Variants in PLCG2 observed in about 807,000 individuals in gnomAD.
PLCG2 encodes the protein phospholipase C gamma 2.
In PLCG2, 69 loss-of-function variants were observed where a neutral mutation model predicts 175.6. That is an observed-to-expected ratio of 0.39 (90% CI 0.32 to 0.48). PLCG2 has a LOEUF of 0.48. Among genes scored for constraint, PLCG2 ranks in the 20% least tolerant of loss-of-function variants. The pLI is 0.91. For synonymous variants in PLCG2, 827 were observed against 624.0 expected (o/e 1.33, Z -4.85); for missense variants, 1,798 against 1,650.9 (o/e 1.09, Z -1.54).
At chr16:81,841,469 GACCTCA>G (rs1905826726) in intron 2 of PLCG2, among the ~76,000 whole-genome samples, 2 of 152,004 alleles carry the variant, frequency 1.3e-5, no homozygotes, top group Admixed American at 6.6e-5. Flanking sequence ...TCAAACTCCT[GACCTCA>G]AGTGATCTGC....
rs551419582 is a variant in PLCG2, at chr16:81,883,170, G to A, written c.693-99G>A. The A allele has an allele frequency of 6.8e-5, 66 of 968,644 alleles. No individual in the cohort carries two copies. The South Asian group carries it at 7.9e-4, about 12-fold the overall frequency. 60.0% of individuals were successfully genotyped at this position (968,644 alleles called of 1,614,324 possible). On this transcript the variant is annotated intron_variant, in intron 8 of 32. Coordinates refer to ENST00000564138, the MANE Select transcript of PLCG2 (RefSeq NM_002661.5). ...CTAACACAGTGCCAGACTAAGTGGG[G>A]CGTTCTGGGTGGCAGGCTGCCCCAT...
chr16:81,850,809 G>A (rs1309965629), intron 2 of PLCG2, among the ~76,000 whole-genome samples: 1 of 152,184 alleles, frequency 6.6e-6, no homozygotes. Context: ...ATGATGTTTA[G>A]TATTATAATG....
chr16:81,769,146 G>C (rs1597308205), intron 2 of PLCG2, among the ~76,000 whole-genome samples: 1 of 152,316 alleles, frequency 6.6e-6, no homozygotes, highest in Middle Eastern at 3.4e-3. Context: ...TGCCATGTGA[G>C]TTTCTCTGCT....
chr16:81,913,845 C>T (rs1243314456), intron 19 of PLCG2, among the ~76,000 whole-genome samples: 2 of 152,218 alleles, frequency 1.3e-5, no homozygotes, highest in Non-Finnish European at 2.9e-5. Flanking sequence ...TTCCCTTCCT[C>T]CTTGCCTGCA....
chr16:81,894,783 G>T (rs528736361), intron 12 of PLCG2, among the ~76,000 whole-genome samples: 23 of 152,138 alleles, frequency 1.5e-4, no homozygotes, highest in African/African-American at 5.5e-4. Context: ...CGAGGCACAG[G>T]AATCACTTGA....
At chr16:81,864,334 A>G (rs554105217) in intron 5 of PLCG2, among the ~76,000 whole-genome samples, 1 of 152,336 alleles carries the variant, frequency 6.6e-6, no homozygotes, top group South Asian at 2.1e-4. Context: ...CATTTCAACA[A>G]AACAAAACAA....
At chr16:81,852,952 A>G (rs1015173107) in intron 2 of PLCG2, among the ~76,000 whole-genome samples, 3 of 152,184 alleles carry the variant, frequency 2.0e-5, no homozygotes, top group Non-Finnish European at 1.5e-5. Context: ...TTCTTACAGC[A>G]TGGTGGTCTC....
intron 5 of PLCG2, among the ~76,000 whole-genome samples, chr16:81,859,573 C>T (rs574610446): frequency 3.2e-4 from 49 of 151,282 alleles, no homozygotes; most frequent in South Asian, 8.4e-4. Flanking sequence ...CTCGCTCTTT[C>T]GCCCAGGCTG....
Position 81,959,900 on chromosome 16 carries a change from T to C in PLCG2, c.*1902T>C, listed in dbSNP as rs1911718749. ...TTCAGCTCCTCACTTCATTCTACTTTAAAGCCACAGTGCTAAGGCCTGCAT... is the reference window on the plus strand; with the variant it reads ...TTCAGCTCCTCACTTCATTCTACTTCAAAGCCACAGTGCTAAGGCCTGCAT... On this transcript the variant is annotated 3_prime_UTR_variant, in exon 33 of 33. Transcript: ENST00000564138. 1 of 192,606 alleles carries C rather than the reference T, an allele frequency of 5.2e-6. No homozygotes were observed. Among genetic ancestry groups the C allele is most frequent in the Admixed American group, 6.1e-5 (1 of 16,360 alleles). 11.9% of individuals were successfully genotyped at this position (192,606 alleles called of 1,614,324 possible). A position where few individuals can be genotyped will look rare whatever the true frequency, so the allele number is the denominator to read the frequency against.
Position 81,921,216 on chromosome 16 carries a change from C to T in PLCG2, c.2254C>T (p.Leu752Phe). The change falls in exon 21 of 33, where the codon CTC becomes TTC. Residue 752 changes from leucine (L) to phenylalanine (F), a missense_variant. Transcript: ENST00000564138. ...TTTCCAGGAAAGAGATATAAACTCC[C>T]TCTACGACGTCAGCAGAATGTATGT... Reference protein sequence around the residue: ...RYNMERDINSLYDVSRMYVDP... With the variant: ...RYNMERDINSFYDVSRMYVDP... 6.2e-7 allele frequency: 1 copy of T among 1,601,496 alleles called. No homozygotes were observed. The highest frequency in any genetic ancestry group is 8.6e-7 in the Non-Finnish European group (1 of 1,168,600).
At chr16:81,810,859 T>A (rs1273270466) in intron 2 of PLCG2, among the ~76,000 whole-genome samples, 1 of 152,164 alleles carries the variant, frequency 6.6e-6, no homozygotes, top group Non-Finnish European at 1.5e-5. Flanking sequence ...AGCACAACAT[T>A]GATCAAATAA....
chr16:81,891,344 C>G, intron 10 of PLCG2, 128 bp from the exon 11 acceptor site: 2 of 680,930 alleles, frequency 2.9e-6, no homozygotes, highest in Non-Finnish European at 5.4e-6. Context: ...TAACTGAGGT[C>G]TGGAGACCGC....
chr16:81,907,594 G>C (rs978664520), intron 15 of PLCG2, 91 bp from the exon 16 acceptor site: 3 of 726,302 alleles, frequency 4.1e-6, no homozygotes, highest in African/African-American at 3.5e-5. Context: ...ATCCATAGTA[G>C]ATGCTGGGGT....
At chr16:81,850,364 C>G (rs941938516) in intron 2 of PLCG2, among the ~76,000 whole-genome samples, 2 of 152,018 alleles carry the variant, frequency 1.3e-5, no homozygotes, top group African/African-American at 2.4e-5. Flanking sequence ...AACAAACAAA[C>G]AAAAAAGTTT....
chr16:81,874,953 T>TTTGTTTTGTTGTTC (rs779252843), intron 7 of PLCG2, among the ~76,000 whole-genome samples: 1 of 122,892 alleles, frequency 8.1e-6, no homozygotes, highest in African/African-American at 3.1e-5. Flanking sequence ...TATGTGTTTT[T>TTTGTTTTGTTGTTC]TTTTTTTTTT....
chr16:81,771,205 C>A (rs1312666363), intron 2 of PLCG2, among the ~76,000 whole-genome samples: 1 of 152,174 alleles, frequency 6.6e-6, no homozygotes, highest in African/African-American at 2.4e-5. Context: ...CTGCTGCCTC[C>A]AAGGCAGTGA....
At chr16:81,918,329 C>G (rs572725439) in intron 19 of PLCG2, among the ~76,000 whole-genome samples, 7 of 152,248 alleles carry the variant, frequency 4.6e-5, no homozygotes, top group African/African-American at 1.7e-4. Flanking sequence ...TTTACAGTTT[C>G]AGGTCTTATG....
At chr16:81,750,619 A>G (rs908582506) in intron 1 of PLCG2, among the ~76,000 whole-genome samples, 12 of 148,484 alleles carry the variant, frequency 8.1e-5, no homozygotes, top group Admixed American at 1.4e-4. Flanking sequence ...CATATTTACA[A>G]TGGACTACTA....
chr16:81,773,476 A>G (rs1448025018), intron 2 of PLCG2, among the ~76,000 whole-genome samples: 1 of 152,174 alleles, frequency 6.6e-6, no homozygotes, highest in African/African-American at 2.4e-5. Context: ...GGGGGGTAAG[A>G]GGCAGAGCTG....
Sources: gnomAD v4.1 joint callset for allele counts (sites outside exome capture counted in the v4.1 genomes callset) on GRCh38, gnomAD v4.1.1 for gene constraint, MANE v1.5 for transcripts, NCBI Gene and HGNC (gene_info 2026-07-23, HGNC 2026-07-21) for gene names.